Variants in PIK3C2G observed in about 807,000 individuals in gnomAD.
PIK3C2G encodes the protein phosphatidylinositol 3-kinase C2 domain-containing subunit gamma.
A neutral mutation model predicts 181.1 loss-of-function variants in PIK3C2G; 168 were observed. The observed-to-expected ratio is 0.93, with a 90% CI of 0.82 to 1.05. The LOEUF (loss-of-function observed/expected upper bound fraction) is 1.05. PIK3C2G is among the 50% of genes least tolerant of loss of function. The pLI, the probability that PIK3C2G is intolerant of heterozygous loss-of-function variation, is 0.00. For missense variants in PIK3C2G, 1,869 were observed against 1,732.8 expected, an observed-to-expected ratio of 1.08 and a Z score of -1.40; for synonymous variants, 573 against 592.2, an observed-to-expected ratio of 0.97 and a Z score of 0.47.
intron 29 of PIK3C2G, among the ~76,000 whole-genome samples, chr12:18,572,225 T>C (rs1945982607): frequency 6.7e-6 from 1 of 149,968 alleles, no homozygotes; most frequent in Admixed American, 6.7e-5. Context: ...ATCAACTTTT[T>C]TTAGTCTTTT....
At chr12:18,264,609 A>G (rs1565531416) in intron 1 of PIK3C2G, among the ~76,000 whole-genome samples, 1 of 151,300 alleles carries the variant, frequency 6.6e-6, no homozygotes, top group Non-Finnish European at 1.5e-5. Context: ...CTTAGGTTCC[A>G]TTATGATTAC....
chr12:18,356,640 A>G (rs548014018), intron 11 of PIK3C2G, among the ~76,000 whole-genome samples: 1 of 152,060 alleles, frequency 6.6e-6, no homozygotes, highest in Non-Finnish European at 1.5e-5. Context: ...GGGGGATTTC[A>G]CTGCCAATGA....
intron 25 of PIK3C2G, among the ~76,000 whole-genome samples, chr12:18,543,185 C>A (rs1380324098): frequency 6.6e-6 from 1 of 151,734 alleles, no homozygotes; most frequent in East Asian, 1.9e-4. Context: ...CACATGTATG[C>A]CTTCTTTTGA....
At chr12:18,583,460 GCTCTGC>G (rs1946608509) in intron 29 of PIK3C2G, among the ~76,000 whole-genome samples, 1 of 152,028 alleles carries the variant, frequency 6.6e-6, no homozygotes, top group Non-Finnish European at 1.5e-5. Flanking sequence ...GACAGTAACA[GCTCTGC>G]AAATCCCTGA....
chr12:18,553,164 T>C (rs1944823582), intron 26 of PIK3C2G, among the ~76,000 whole-genome samples: 1 of 152,162 alleles, frequency 6.6e-6, no homozygotes, highest in South Asian at 2.1e-4. Flanking sequence ...TACAATCGTT[T>C]ACTATTTTAA....
chr12:18,492,331 C>A (rs569692388), intron 20 of PIK3C2G, among the ~76,000 whole-genome samples: 2 of 152,030 alleles, frequency 1.3e-5, no homozygotes, highest in Non-Finnish European at 2.9e-5. Flanking sequence ...AGAAAACAAA[C>A]CCAATAATTA....
At chr12:18,305,704 A>G (rs981113639) in intron 5 of PIK3C2G, among the ~76,000 whole-genome samples, 2 of 152,068 alleles carry the variant, frequency 1.3e-5, no homozygotes, top group African/African-American at 2.4e-5. Flanking sequence ...TTACTCATTT[A>G]TTGTTTTTTA....
At chr12:18,575,103 C>G (rs944772632) in intron 29 of PIK3C2G, among the ~76,000 whole-genome samples, 3 of 152,100 alleles carry the variant, frequency 2.0e-5, no homozygotes, top group African/African-American at 4.8e-5. Flanking sequence ...GTCCTAAGCA[C>G]TGTTAGAGAA....
At chr12:18,631,647 A>G (rs1040495895) in intron 31 of PIK3C2G, among the ~76,000 whole-genome samples, 1 of 152,236 alleles carries the variant, frequency 6.6e-6, no homozygotes, top group African/African-American at 2.4e-5. Flanking sequence ...TCCAGTTATA[A>G]TAAGTCAGGG....
In PIK3C2G at chr12:18,644,805, G is replaced by T. The variant is rs559509162; in HGVS notation, c.4309-3071G>T. Among the ~76,000 whole-genome samples the T allele has an allele frequency of 3.3e-4, 50 of 152,162 alleles. No individual in the cohort carries two copies. The South Asian group carries it at 0.01, about 31-fold the overall frequency. ...CTGTCTCCTCCCACGCAGTACCCCT[G>T]TTCTCGCTTTTGAACTCTTTCTTTC... On this transcript the variant is annotated intron_variant, in intron 32 of 32. Coordinates refer to ENST00000538779, the MANE Select transcript of PIK3C2G (RefSeq NM_001288772.2).
At chr12:18,575,660 A>G (rs911870227) in intron 29 of PIK3C2G, among the ~76,000 whole-genome samples, 2 of 152,192 alleles carry the variant, frequency 1.3e-5, no homozygotes, top group African/African-American at 2.4e-5. Flanking sequence ...GGCATCCCAG[A>G]TGGTATGGCA....
At chr12:18,676,654 G>A in the PIK3C2G span, among the ~76,000 whole-genome samples, 1 of 152,226 alleles carries the variant, frequency 6.6e-6, no homozygotes, top group Admixed American at 6.6e-5. Context: ...AGAACAATAA[G>A]CAGGACTATA....
chr12:18,686,009 C>T, the PIK3C2G span, among the ~76,000 whole-genome samples: 11 of 152,018 alleles, frequency 7.2e-5, no homozygotes, highest in Non-Finnish European at 1.5e-4. Context: ...ATTATTTCCA[C>T]ATTTTATCCA....
chr12:18,427,444 T>C (rs2135738272), intron 18 of PIK3C2G, among the ~76,000 whole-genome samples: 1 of 141,010 alleles, frequency 7.1e-6, no homozygotes, highest in South Asian at 2.2e-4. Context: ...GAGGTTGCAG[T>C]GAGCCGAGAT....
chr12:18,712,887 A>C, the PIK3C2G span: 1 of 1,613,968 alleles, frequency 6.2e-7, no homozygotes, highest in South Asian at 1.1e-5. Context: ...TTTTAAACAG[A>C]AGTTTGCTTG....
the PIK3C2G span, among the ~76,000 whole-genome samples, chr12:18,718,908 A>C: frequency 6.6e-6 from 1 of 152,198 alleles, no homozygotes; most frequent in African/African-American, 2.4e-5. Context: ...TGTTAGGTAT[A>C]AAATCAGCAA....
At position 18,338,390 on chromosome 12, in the gene PIK3C2G, C is replaced by T. The variant is rs767606750; in HGVS notation, c.1273-36C>T. On this transcript the variant is annotated intron_variant, in intron 8 of 32. Coordinates refer to ENST00000538779, the MANE Select transcript of PIK3C2G (RefSeq NM_001288772.2). ...TAAATTAATGTCCCCTCATTTATTT[C>T]AATAGATTGTAAGATGTGAATCTTG... 2.1e-6 allele frequency: 3 copies of T among 1,452,776 alleles called. No homozygotes were observed. In the African/African-American group the frequency reaches 4.3e-5, roughly 21 times the overall value. The allele number at this position is 1,452,776 out of a possible 1,614,324, so 90.0% of individuals were successfully genotyped here.
intron 15 of PIK3C2G, among the ~76,000 whole-genome samples, chr12:18,396,669 TGAAA>T (rs1943914855): frequency 6.6e-6 from 1 of 151,694 alleles, no homozygotes; most frequent in Non-Finnish European, 1.5e-5. Context: ...AATTCTGTTT[TGAAA>T]TGTTACTTAC....
At chr12:18,719,143 T>C in the PIK3C2G span, among the ~76,000 whole-genome samples, 1 of 152,110 alleles carries the variant, frequency 6.6e-6, no homozygotes, top group African/African-American at 2.4e-5. Flanking sequence ...CTTTGAGAAG[T>C]GTCTAGGTTA....
Sources: allele counts gnomAD v4.1 joint callset (sites outside exome capture counted in the v4.1 genomes callset), GRCh38; gene constraint gnomAD v4.1.1; transcripts MANE v1.5; gene names NCBI Gene and HGNC (gene_info 2026-07-23, HGNC 2026-07-21).